Variants in YJU2B observed in about 807,000 individuals in gnomAD.
YJU2B encodes the protein YJU2 splicing factor homolog B.
YJU2B carries 18 observed loss-of-function variants against 38.0 expected under a neutral mutation model. The ratio of observed to expected loss-of-function variants is 0.47; its 90% CI spans 0.33 to 0.70. The LOEUF (loss-of-function observed/expected upper bound fraction) is 0.70, where lower values mean the gene tolerates loss of function less well. Among genes scored for constraint, YJU2B ranks in the 30% least tolerant of loss-of-function variants. The pLI is 0.02. For synonymous variants in YJU2B, 246 were observed against 225.4 expected (o/e 1.09, Z -0.82); for missense variants, 538 against 556.3 (o/e 0.97, Z 0.33).
At chr19:13,745,696 GAT>G (rs3059625), upstream of YJU2B, among the ~76,000 whole-genome samples, 410 of 46,076 alleles carry the variant, frequency 8.9e-3, 4 homozygotes, top group African/African-American at 0.025. Flanking sequence ...GATAGATATA[GAT>G]ATATAGATAT....
At chr19:13,755,493 T>TG (rs1973632032) in intron 3 of YJU2B, among the ~76,000 whole-genome samples, 5 of 150,668 alleles carry the variant, frequency 3.3e-5, no homozygotes, top group Non-Finnish European at 7.4e-5. Flanking sequence ...GTGATGCACA[T>TG]GAAGTCCCCA....
chr19:13,751,562 G>A (rs1185271692), intron 1 of YJU2B, 46 bp from the exon 2 acceptor site: 10 of 532,182 alleles, frequency 1.9e-5, no homozygotes, highest in African/African-American at 3.8e-5. Flanking sequence ...CAGATGTGAT[G>A]CGTATATTGG....
upstream of YJU2B, among the ~76,000 whole-genome samples, chr19:13,743,549 C>T (rs181035522): frequency 6.9e-6 from 1 of 145,254 alleles, no homozygotes; most frequent in East Asian, 2.0e-4. Flanking sequence ...CACTGTACTC[C>T]AGCCTGGGCG....
chr19:13,748,137 C>T (rs1037870952), intron 1 of YJU2B, among the ~76,000 whole-genome samples, 183 bp downstream of exon 1: 16 of 152,294 alleles, frequency 1.1e-4, no homozygotes, highest in African/African-American at 3.6e-4. Context: ...CCAGCTGAGA[C>T]CTCTGACCCA....
Position 13,751,732 on chromosome 19 carries a change from A to AGAC in YJU2B, c.-76_-75insACG. ...CCTCTGCCAGGCTCCACAAGAGGTCAGGACAGTGCAGTGTGTTCACAAGGC... is the reference window on the plus strand; with the variant it reads ...CCTCTGCCAGGCTCCACAAGAGGTCAGACGGACAGTGCAGTGTGTTCACAAGGC... On this transcript the variant is annotated 5_prime_UTR_variant, in exon 2 of 10. Transcript: ENST00000221554. 2 of 1,517,236 alleles carry AGAC rather than the reference A, an allele frequency of 1.3e-6. No individual in the cohort carries two copies. Among genetic ancestry groups the AGAC allele is most frequent in the Non-Finnish European group, 1.8e-6 (2 of 1,092,144 alleles). The allele number at this position is 1,517,236 out of a possible 1,614,324, so 94.0% of individuals were successfully genotyped here.
intron 2 of YJU2B, 94 bp downstream of exon 2, chr19:13,751,905 A>G: frequency 8.0e-7 from 1 of 1,250,578 alleles, no homozygotes; most frequent in East Asian, 2.3e-5. Flanking sequence ...CTCTAAGATG[A>G]TGATTTCAAT....
Position 13,759,197 on chromosome 19 carries a change from G to C in YJU2B, c.498G>C (p.Leu166=), listed in dbSNP as rs1467623155. ...CACTCAAGAAGGCGCTGCCCACACTGAGCCACATCCAGGAGGCCCAGAGCG... is the reference window on the plus strand; with the variant it reads ...CACTCAAGAAGGCGCTGCCCACACTCAGCCACATCCAGGAGGCCCAGAGCG... ...RSTLKKALPT[L]SHIQEAQSAW... is the part of the protein sequence containing the mutation. Residue 166 remains leucine, a synonymous_variant, in exon 8 of 10, where the codon CTG becomes CTC. Coordinates refer to ENST00000221554, the MANE Select transcript of YJU2B (RefSeq NM_030818.4). The C allele has an allele frequency of 6.2e-7, 1 of 1,613,582 alleles. No homozygotes were observed. Among genetic ancestry groups the C allele is most frequent in the Non-Finnish European group, 8.5e-7 (1 of 1,179,824 alleles).
intron 5 of YJU2B, 112 bp from the exon 6 acceptor site, chr19:13,757,674 C>T: frequency 1.6e-6 from 2 of 1,212,752 alleles, no homozygotes; most frequent in Non-Finnish European, 2.4e-6. Flanking sequence ...TCTAACTCCT[C>T]CTAGTTGGGG....
chr19:13,759,089 G>A lies in YJU2B; in HGVS notation c.401-11G>A. Reference sequence around the variant, plus strand: ...GGCCCCCAAAGCCCAGCCGAGCTCTGATCGTTGCAGAGCATGAGAAGAAGC... The same window carrying A: ...GGCCCCCAAAGCCCAGCCGAGCTCTAATCGTTGCAGAGCATGAGAAGAAGC... On this transcript the variant is annotated splice_polypyrimidine_tract_variant and intron_variant, in intron 7 of 9. Coordinates refer to ENST00000221554, the MANE Select transcript of YJU2B (RefSeq NM_030818.4). 6.2e-7 allele frequency: 1 copy of A among 1,613,416 alleles called. No individual in the cohort carries two copies. The highest frequency in any genetic ancestry group is 8.5e-7 in the Non-Finnish European group (1 of 1,179,800).
chr19:13,759,184 C>T lies in YJU2B; in HGVS notation c.485C>T (p.Ala162Val), dbSNP rs758580393. The T allele has an allele frequency of 7.4e-6, 12 of 1,613,212 alleles. No homozygotes were observed. Among genetic ancestry groups the T allele is most frequent in the African/African-American group, 2.7e-5 (2 of 74,926 alleles). The change falls in exon 8 of 10, where the codon GCG becomes GTG. Residue 162 changes from alanine (A) to valine (V), a missense_variant. By Grantham distance (64) the Ala-to-Val change is moderately conservative. Around this residue, in one of 2 missense-constraint regions of YJU2B, gnomAD observed 488 missense variants for 469.5 expected, o/e 1.04. Coordinates refer to ENST00000221554, the MANE Select transcript of YJU2B (RefSeq NM_030818.4). ...GEADRSTLKK[A>V]LPTLSHIQEA... ...GCCGACCGCAGCACACTCAAGAAGG[C>T]GCTGCCCACACTGAGCCACATCCAG...
At chr19:13,745,708 T>TAGATAG (rs58419018), upstream of YJU2B, among the ~76,000 whole-genome samples, 6 of 56,360 alleles carry the variant, frequency 1.1e-4, 1 homozygote, top group Admixed American at 3.5e-4. Context: ...TATATAGATA[T>TAGATAG]CTATAGATCT....
chr19:13,736,254 C>CTTTTTTTT (rs60385996), intron 2 of YJU2B, among the ~76,000 whole-genome samples: 93 of 104,218 alleles, frequency 8.9e-4, no homozygotes, highest in Non-Finnish European at 1.2e-3. Context: ...TTCTTTCTTT[C>CTTTTTTTT]TTTTTTTTTT....
chr19:13,752,850 T>C (rs1248116358), intron 2 of YJU2B, among the ~76,000 whole-genome samples: 2 of 151,720 alleles, frequency 1.3e-5, no homozygotes, highest in Non-Finnish European at 1.5e-5. Context: ...GAGGCAGAGG[T>C]TGCAGTGAGC....
At chr19:13,760,173 G>A (rs976581667) in intron 8 of YJU2B, among the ~76,000 whole-genome samples, 3 of 151,572 alleles carry the variant, frequency 2.0e-5, no homozygotes, top group Non-Finnish European at 2.9e-5. Flanking sequence ...GTGATCCACC[G>A]TGGCCTACCC....
intron 6 of YJU2B, 74 bp from the exon 7 acceptor site, chr19:13,758,794 A>G: frequency 3.2e-6 from 5 of 1,540,870 alleles, no homozygotes; most frequent in East Asian, 2.3e-5. Context: ...GGTGGAAGGA[A>G]GCAGGCAGAG....
upstream of YJU2B, among the ~76,000 whole-genome samples, chr19:13,746,508 C>G (rs1165675424): frequency 6.6e-6 from 1 of 152,184 alleles, no homozygotes; most frequent in Non-Finnish European, 1.5e-5. Flanking sequence ...TTTATAGGTT[C>G]TTTGGCTGGG....
At chr19:13,733,663 G>C (rs191919612) in intron 2 of YJU2B, among the ~76,000 whole-genome samples, 3 of 152,290 alleles carry the variant, frequency 2.0e-5, no homozygotes, top group East Asian at 3.9e-4. Context: ...GGAGGTTGTA[G>C]TGAGCCGAGA....
intron 2 of YJU2B, among the ~76,000 whole-genome samples, chr19:13,734,758 G>A (rs1486046111): frequency 1.3e-5 from 2 of 151,756 alleles, no homozygotes; most frequent in Admixed American, 1.3e-4. Context: ...ACAGCTAATT[G>A]GTTTTTGGTT....
At position 13,762,430 on chromosome 19, in the gene YJU2B, C is replaced by G. The variant is rs1302917518; in HGVS notation, c.705C>G (p.Thr235=). The change falls in exon 9 of 10, where the codon ACC becomes ACG. Residue 235 remains threonine, a synonymous_variant. Transcript: ENST00000221554. The part of the protein sequence containing the change: ...RKLAALLKFH[T]LDSYEDKQKL... Reference sequence around the variant, plus strand: ...TGGCGGCTCTGCTGAAGTTCCACACCCTGGACTGTGCGTAGGAGGCCAGGG... The same window carrying G: ...TGGCGGCTCTGCTGAAGTTCCACACGCTGGACTGTGCGTAGGAGGCCAGGG... 1 of 1,612,610 alleles carries G rather than the reference C, an allele frequency of 6.2e-7. No homozygotes were observed. The highest frequency in any genetic ancestry group is 1.1e-5 in the South Asian group (1 of 91,046).
Sources: allele counts gnomAD v4.1 joint callset (sites outside exome capture counted in the v4.1 genomes callset), GRCh38; gene constraint gnomAD v4.1.1; regional missense constraint gnomAD v4.1.1; transcripts MANE v1.5; gene names NCBI Gene and HGNC (gene_info 2026-07-23, HGNC 2026-07-21).